Variants in SMARCC1 observed in about 807,000 individuals in gnomAD.
The protein encoded by SMARCC1 is SWI/SNF related BAF chromatin remodeling complex subunit C1, also known as SWI/SNF complex subunit SMARCC1.
SMARCC1 carries 43 observed loss-of-function variants against 147.4 expected under a neutral mutation model. That is an observed-to-expected ratio of 0.29 (90% CI 0.23 to 0.38). The LOEUF (loss-of-function observed/expected upper bound fraction) is 0.38, where lower values mean the gene tolerates loss of function less well. Among genes scored for constraint, SMARCC1 ranks in the 10% least tolerant of loss-of-function variants. The pLI, the probability that SMARCC1 is intolerant of heterozygous loss-of-function variation, is 1.00. For missense variants in SMARCC1, 1,119 were observed against 1,381.1 expected (o/e 0.81, Z 3.01); for synonymous variants, 495 against 484.4 (o/e 1.02, Z -0.29).
intron 3 of SMARCC1, among the ~76,000 whole-genome samples, chr3:47,742,769 G>A (rs1438142362): frequency 6.6e-6 from 1 of 152,074 alleles, no homozygotes; most frequent in African/African-American, 2.4e-5. Context: ...TTTTTGTAGA[G>A]GCTGAGTTTT....
chr3:47,683,845 T>C (rs7429162), intron 14 of SMARCC1, among the ~76,000 whole-genome samples: 93,503 of 151,606 alleles, frequency 0.62, 29,525 homozygotes, highest in East Asian at 0.72. Flanking sequence ...AGTTCTGGTA[T>C]TTATGTTTTT....
At chr3:47,768,076 G>C (rs1162060280) in intron 2 of SMARCC1, among the ~76,000 whole-genome samples, 1 of 152,068 alleles carries the variant, frequency 6.6e-6, no homozygotes, top group Non-Finnish European at 1.5e-5. Flanking sequence ...CTGGGCTCAA[G>C]AGTTTTGACC....
chr3:47,631,792 A>C (rs1485029070), intron 24 of SMARCC1, among the ~76,000 whole-genome samples: 1 of 152,224 alleles, frequency 6.6e-6, no homozygotes, highest in Non-Finnish European at 1.5e-5. Flanking sequence ...AATGAGAATA[A>C]GAGAAACTTG....
chr3:47,597,598 T>A (rs1015352213), intron 26 of SMARCC1, among the ~76,000 whole-genome samples: 1 of 152,144 alleles, frequency 6.6e-6, no homozygotes, highest in Non-Finnish European at 1.5e-5. Flanking sequence ...AGTGCTGGGA[T>A]TACAGGCGTG....
At chr3:47,674,712 G>A (rs2033547186) in intron 18 of SMARCC1, among the ~76,000 whole-genome samples, 1 of 152,068 alleles carries the variant, frequency 6.6e-6, no homozygotes, top group South Asian at 2.1e-4. Flanking sequence ...CAACCCTACT[G>A]CCCTGGCCTC....
At chr3:47,631,807 G>A (rs2032895097) in intron 24 of SMARCC1, among the ~76,000 whole-genome samples, 1 of 152,146 alleles carries the variant, frequency 6.6e-6, no homozygotes, top group Non-Finnish European at 1.5e-5. Flanking sequence ...AACTTGGACT[G>A]GCTACATAAG....
intron 26 of SMARCC1, among the ~76,000 whole-genome samples, chr3:47,592,962 G>C (rs1370439358): frequency 6.6e-6 from 1 of 151,860 alleles, no homozygotes; most frequent in Non-Finnish European, 1.5e-5. Flanking sequence ...TGGGACTACA[G>C]GTGTGCACCA....
intron 26 of SMARCC1, among the ~76,000 whole-genome samples, chr3:47,603,048 G>C (rs184267358): frequency 6.6e-5 from 10 of 152,276 alleles, no homozygotes; most frequent in Admixed American, 2.0e-4. Context: ...CTAGATTTCT[G>C]TCATTTCCTT....
chr3:47,751,568 G>A (rs2034630164), intron 2 of SMARCC1, among the ~76,000 whole-genome samples: 1 of 151,366 alleles, frequency 6.6e-6, no homozygotes. Flanking sequence ...AAACAAAACT[G>A]ACATTCAATT....
At chr3:47,709,225 C>T (rs1576418354) in intron 9 of SMARCC1, among the ~76,000 whole-genome samples, 2 of 151,810 alleles carry the variant, frequency 1.3e-5, no homozygotes, top group African/African-American at 4.8e-5. Context: ...CATTCCACTG[C>T]ACTCCAGCCT....
At position 47,686,176 on chromosome 3, in the gene SMARCC1, G is replaced by C. The variant is rs1376961841; in HGVS notation, c.1264-6C>G. 5 of 1,607,906 alleles carry C rather than the reference G, an allele frequency of 3.1e-6. No homozygotes were observed. The highest frequency in any genetic ancestry group is 3.4e-6 in the Non-Finnish European group (4 of 1,175,996). ...TTGGCAGGATCTTCATCTTCCTATA[G>C]AAAAGAAGACAAAGTTCAAAGAAAG... On this transcript the variant is annotated splice_polypyrimidine_tract_variant and splice_region_variant and intron_variant, in intron 13 of 27. Transcript: ENST00000254480.
intron 21 of SMARCC1, among the ~76,000 whole-genome samples, chr3:47,660,149 A>G (rs2033324854): frequency 6.6e-6 from 1 of 152,140 alleles, no homozygotes; most frequent in South Asian, 2.1e-4. Context: ...ATAGTAGTAT[A>G]AAAGTGGAAA....
chr3:47,717,561 G>A (rs1483270471), intron 7 of SMARCC1, among the ~76,000 whole-genome samples: 2 of 152,030 alleles, frequency 1.3e-5, no homozygotes, highest in East Asian at 1.9e-4. Context: ...ACATTGACTG[G>A]ATTTTTATTT....
In SMARCC1 at chr3:47,745,990, T is replaced by C. The variant is rs759850983; in HGVS notation, c.319A>G (p.Lys107Glu). 3.2e-6 allele frequency: 5 copies of C among 1,573,720 alleles called. No homozygotes were observed. Among genetic ancestry groups the C allele is most frequent in the Non-Finnish European group, 3.4e-6 (4 of 1,164,716 alleles). Residue 107 changes from lysine (K) to glutamate (E), a missense_variant, in exon 3 of 28, where the codon AAG (lysine) becomes GAG (glutamate). Transcript: ENST00000254480. The part of the protein sequence containing the change: ...TNPAFTKLPA[K>E]CFMDFKAGGA... ...CCAGCTTTGAAATCCATGAAACACT[T>C]TGCCTAAAAATGATACAAATTACAC...
intron 1 of SMARCC1, among the ~76,000 whole-genome samples, chr3:47,781,374 G>A (rs2035045367): frequency 6.6e-6 from 1 of 152,194 alleles, no homozygotes; most frequent in Admixed American, 6.5e-5. Flanking sequence ...ACTGAGCAGG[G>A]GCTTTCACCA....
At chr3:47,615,709 G>A (rs2032631952) in intron 25 of SMARCC1, among the ~76,000 whole-genome samples, 1 of 152,090 alleles carries the variant, frequency 6.6e-6, no homozygotes, top group African/African-American at 2.4e-5. Context: ...TTAAGACAGA[G>A]TTTTGCTCTT....
chr3:47,709,961 G>A (rs998462973), intron 9 of SMARCC1, among the ~76,000 whole-genome samples: 1 of 152,130 alleles, frequency 6.6e-6, no homozygotes, highest in African/African-American at 2.4e-5. Context: ...AACTATAACT[G>A]TTAACATGTT....
At chr3:47,655,052 A>G (rs1281869916) in intron 21 of SMARCC1, among the ~76,000 whole-genome samples, 2 of 152,226 alleles carry the variant, frequency 1.3e-5, no homozygotes, top group African/African-American at 4.8e-5. Flanking sequence ...CAAAGTAGAG[A>G]GAACAACAGG....
At chr3:47,598,618 T>C (rs972400692) in intron 26 of SMARCC1, among the ~76,000 whole-genome samples, 1 of 151,674 alleles carries the variant, frequency 6.6e-6, no homozygotes, top group Admixed American at 6.6e-5. Context: ...TTACTTGAGG[T>C]CAGCAGATCA....
Sources: gnomAD v4.1 joint callset for allele counts (sites outside exome capture counted in the v4.1 genomes callset) on GRCh38, gnomAD v4.1.1 for gene constraint, MANE v1.5 for transcripts, NCBI Gene and HGNC (gene_info 2026-07-23, HGNC 2026-07-21) for gene names.